STIM1: variants seen among roughly 807,000 people sequenced by gnomAD.
STIM1 encodes stromal interaction molecule 1.
STIM1 carries 25 observed loss-of-function variants against 74.7 expected under a neutral mutation model. That is an observed-to-expected ratio of 0.33 (90% CI 0.24 to 0.47). The LOEUF (loss-of-function observed/expected upper bound fraction) is 0.47, where lower values mean the gene tolerates loss of function less well. STIM1 is among the 20% of genes least tolerant of loss of function. The probability of loss-of-function intolerance (pLI) is 1.00; values close to 1 mark genes in which losing one functional copy is unlikely to be tolerated. For synonymous variants in STIM1, 328 were observed against 348.8 expected (o/e 0.94, Z 0.66); for missense variants, 728 against 920.8 (o/e 0.79, Z 2.71).
chr11:4,037,210 C>T (rs1011938364), intron 3 of STIM1, among the ~76,000 whole-genome samples: 2 of 152,080 alleles, frequency 1.3e-5, no homozygotes, highest in Non-Finnish European at 2.9e-5. Context: ...TGTGTCCCAC[C>T]ATCCCTGGCT....
chr11:3,912,217 C>G (rs1434340847), intron 1 of STIM1, among the ~76,000 whole-genome samples: 2 of 114,078 alleles, frequency 1.8e-5, no homozygotes, highest in Non-Finnish European at 3.7e-5. Flanking sequence ...CTTCTCCCCT[C>G]CCTTCTCCCC....
chr11:3,899,577 G>A (rs1307741919), intron 1 of STIM1, among the ~76,000 whole-genome samples: 28 of 146,396 alleles, frequency 1.9e-4, no homozygotes, highest in Admixed American at 9.5e-4. Flanking sequence ...GTGAGAGAGG[G>A]CATCCCTGTC....
chr11:3,960,704 C>A (rs527823155), intron 1 of STIM1, among the ~76,000 whole-genome samples: 1 of 152,284 alleles, frequency 6.6e-6, no homozygotes, highest in South Asian at 2.1e-4. Context: ...AATAGTCTGA[C>A]TAGTAAAATA....
chr11:3,941,673 T>TATATAGAGAGAGAGAGAGAG (rs141623520), intron 1 of STIM1, among the ~76,000 whole-genome samples: 1 of 90,730 alleles, frequency 1.1e-5, no homozygotes, highest in Non-Finnish European at 2.3e-5. Flanking sequence ...TATATATATA[T>TATATAGAGAGAGAGAGAGAG]AGAGAGAGAG....
intron 1 of STIM1, among the ~76,000 whole-genome samples, chr11:3,882,398 C>T (rs1234431775): frequency 2.0e-5 from 3 of 152,144 alleles, no homozygotes; most frequent in Admixed American, 2.0e-4. Flanking sequence ...CATGCCTGGC[C>T]ACTCCATTCC....
In STIM1 at chr11:3,984,582, A is replaced by G. The variant is rs191094449; in HGVS notation, c.270+16900A>G. Among the ~76,000 whole-genome samples the G allele has an allele frequency of 1.0e-3, 154 of 152,310 alleles. 2 individuals carry two copies. Among genetic ancestry groups the G allele is most frequent in the African/African-American group, 3.5e-3 (145 of 41,568 alleles). ...CATCAGTTTATAGGCCGCAACTTCC[A>G]TTGAGTTCAAGTTATTTGGCCCAGC... On this transcript the variant is annotated intron_variant, in intron 2 of 12. Transcript: ENST00000526596.
chr11:3,900,562 A>G (rs1565107695), intron 1 of STIM1, among the ~76,000 whole-genome samples: 2 of 152,144 alleles, frequency 1.3e-5, no homozygotes, highest in African/African-American at 4.8e-5. Context: ...AGCTGTTCCT[A>G]TTCGGCCATC....
chr11:4,023,316 A>T (rs1262765123), intron 2 of STIM1, among the ~76,000 whole-genome samples: 1 of 150,550 alleles, frequency 6.6e-6, no homozygotes, highest in Non-Finnish European at 1.5e-5. Context: ...GTGACGAGCG[A>T]GACTCTGTCT....
intron 1 of STIM1, among the ~76,000 whole-genome samples, chr11:3,864,116 G>A (rs1267999435): frequency 6.6e-6 from 1 of 152,052 alleles, no homozygotes; most frequent in Non-Finnish European, 1.5e-5. Context: ...GTGGGCCATG[G>A]GGAGACTGTT....
In STIM1 at chr11:4,055,604, G is replaced by T. The variant is rs771484089; in HGVS notation, c.464G>T (p.Arg155Leu). ...CTGCCTCAGTATGAGGAGACCTTCC[G>T]GAAGCTGCAGCTCAGTGGCCATGCC... ...VELPQYEETFRKLQLSGHAMP... is the reference protein window; with the variant it reads ...VELPQYEETFLKLQLSGHAMP... The change falls in exon 4 of 13, where the codon CGG becomes CTG. Residue 155 changes from arginine (R) to leucine (L), a missense_variant. Arg to Leu is a moderately radical substitution (Grantham distance 102, BLOSUM62 -2). Coordinates refer to ENST00000526596, the MANE Select transcript of STIM1 (RefSeq NM_001382567.1). The T allele has an allele frequency of 6.3e-7, 1 of 1,596,104 alleles. No individual in the cohort carries two copies. The highest frequency in any genetic ancestry group is 1.7e-5 in the Admixed American group (1 of 57,724).
intron 1 of STIM1, among the ~76,000 whole-genome samples, chr11:3,857,349 T>G (rs2135180905): frequency 6.6e-6 from 1 of 152,084 alleles, no homozygotes; most frequent in South Asian, 2.1e-4. Context: ...ACTCCTGGGT[T>G]CAAGTGATCC....
rs377261433 is a variant in STIM1, at chr11:4,020,631, C to T, written c.271-3242C>T. ...TGAGACAAGGTCTCGCTCTGTCACC[C>T]AGGCTGGAGTACAGTGGCATGATCA... On this transcript the variant is annotated intron_variant, in intron 2 of 12. Transcript: ENST00000526596. Among the ~76,000 whole-genome samples, 3 of 152,094 alleles carry T rather than the reference C, an allele frequency of 2.0e-5. No individual in the cohort carries two copies. The East Asian group carries it at 5.8e-4, about 29-fold the overall frequency.
At chr11:4,082,376 T>C in intron 8 of STIM1, 25 bp downstream of exon 8, 1 of 1,591,316 alleles carries the variant, frequency 6.3e-7, no homozygotes, top group Non-Finnish European at 8.6e-7. Context: ...TCTATTGTCC[T>C]CTTTTCTCCT....
chr11:3,997,543 A>T (rs7949898), intron 2 of STIM1, among the ~76,000 whole-genome samples: 7,106 of 152,214 alleles, frequency 0.047, 521 homozygotes, highest in African/African-American at 0.16. Context: ...GCAGAAGAGG[A>T]CGCCCTAAGT....
intron 3 of STIM1, among the ~76,000 whole-genome samples, chr11:4,051,820 C>G (rs191196426): frequency 1.3e-5 from 2 of 152,266 alleles, no homozygotes; most frequent in Non-Finnish European, 1.5e-5. Flanking sequence ...CTAATTGTCC[C>G]TGTTTGCAGA....
intron 3 of STIM1, among the ~76,000 whole-genome samples, chr11:4,038,446 T>C (rs1670950854): frequency 6.6e-6 from 1 of 151,906 alleles, no homozygotes; most frequent in Non-Finnish European, 1.5e-5. Context: ...CTTCCAGTAG[T>C]GTATTTTCAT....
chr11:4,019,411 C>T (rs963765537), intron 2 of STIM1, among the ~76,000 whole-genome samples: 15 of 152,078 alleles, frequency 9.9e-5, no homozygotes, highest in Non-Finnish European at 1.6e-4. Context: ...TGGTGGCTGA[C>T]GCCTGTAATC....
intron 3 of STIM1, among the ~76,000 whole-genome samples, chr11:4,052,051 G>C (rs747603376): frequency 1.5e-3 from 230 of 152,256 alleles, no homozygotes; most frequent in Non-Finnish European, 2.6e-3. Context: ...ACTTACAAGG[G>C]ATGTGAAGCA....
rs372382856 is a variant in STIM1 at position 4,082,017 on chromosome 11, C to T, written c.970-167C>T. ...TGACCTTGAGTAGGTTAATTTTCTT[C>T]GCTGAGCTTGCTTTCTTCTATATAA... is the stretch of plus-strand genomic sequence containing the variant. On this transcript the variant is annotated intron_variant, in intron 7 of 12. Transcript: ENST00000526596. Among the ~76,000 whole-genome samples the T allele has an allele frequency of 1.8e-4, 27 of 152,332 alleles. No individual in the cohort carries two copies. The South Asian group carries it at 3.5e-3, about 20-fold the overall frequency.
Sources: allele counts gnomAD v4.1 joint callset (sites outside exome capture counted in the v4.1 genomes callset), GRCh38; gene constraint gnomAD v4.1.1; transcripts MANE v1.5; gene names NCBI Gene and HGNC (gene_info 2026-07-23, HGNC 2026-07-21).